The following KCNJ3 variants were observed in gnomAD, a reference collection of about 807,000 sequenced individuals.
The protein encoded by KCNJ3 is G protein-activated inward rectifier potassium channel 1.
In KCNJ3, 4 loss-of-function variants were observed where a neutral mutation model predicts 39.2. The observed-to-expected ratio is 0.10, with a 90% CI of 0.05 to 0.23. KCNJ3 has a LOEUF of 0.23. Ranked by LOEUF, KCNJ3 falls within the 10% of genes least tolerant of loss-of-function variation. The probability of loss-of-function intolerance (pLI) is 1.00; values close to 1 mark genes in which losing one functional copy is unlikely to be tolerated. For missense variants in KCNJ3, 276 were observed against 634.9 expected, an observed-to-expected ratio of 0.43 and a Z score of 6.08; for synonymous variants, 230 against 237.4, an observed-to-expected ratio of 0.97 and a Z score of 0.29.
At chr2:154,727,588 C>T (rs144343439) in intron 2 of KCNJ3, among the ~76,000 whole-genome samples, 10,744 of 71,624 alleles carry the variant, frequency 0.15, 1,452 homozygotes, top group African/African-American at 0.42. Flanking sequence ...AGCGAAACTC[C>T]GTCAAAAAAA....
chr2:154,823,443 T>C (rs570007371), intron 2 of KCNJ3, among the ~76,000 whole-genome samples: 115 of 150,828 alleles, frequency 7.6e-4, no homozygotes, highest in Non-Finnish European at 1.2e-3. Context: ...ATGACTAAAG[T>C]CCAGCAATAA....
At chr2:154,839,549 C>T (rs1687538011) in intron 2 of KCNJ3, among the ~76,000 whole-genome samples, 1 of 152,174 alleles carries the variant, frequency 6.6e-6, no homozygotes. Flanking sequence ...ACACTCCCAC[C>T]AACAGTGTAA....
intron 2 of KCNJ3, among the ~76,000 whole-genome samples, chr2:154,774,746 C>A (rs549447748): frequency 1.3e-5 from 2 of 152,240 alleles, no homozygotes; most frequent in South Asian, 4.1e-4. Context: ...TTTATGAAAT[C>A]ATGATAAGCC....
intron 2 of KCNJ3, among the ~76,000 whole-genome samples, chr2:154,795,826 G>A (rs1206790212): frequency 6.6e-6 from 1 of 152,054 alleles, no homozygotes; most frequent in East Asian, 1.9e-4. Flanking sequence ...TCAGTGTGGA[G>A]CCCAAAGCAT....
At chr2:154,709,236 G>GA (rs1188355505) in intron 1 of KCNJ3, 11 of 217,432 alleles carry the variant, frequency 5.1e-5, no homozygotes, top group Non-Finnish European at 5.5e-5. Context: ...GCTGTGTTGA[G>GA]AAAAAAAATA....
At chr2:154,747,447 G>GA (rs1352989251) in intron 2 of KCNJ3, among the ~76,000 whole-genome samples, 1 of 151,800 alleles carries the variant, frequency 6.6e-6, no homozygotes, top group African/African-American at 2.4e-5. Context: ...ATATTTTTAA[G>GA]AAAAAAACTA....
intron 2 of KCNJ3, among the ~76,000 whole-genome samples, chr2:154,832,052 C>A (rs897864699): frequency 6.6e-6 from 1 of 151,944 alleles, no homozygotes; most frequent in African/African-American, 2.4e-5. Context: ...GCTCTTTGTA[C>A]CAGCTGTCTT....
At chr2:154,840,895 T>C (rs912119759) in intron 2 of KCNJ3, among the ~76,000 whole-genome samples, 1 of 152,184 alleles carries the variant, frequency 6.6e-6, no homozygotes, top group Non-Finnish European at 1.5e-5. Context: ...ACAATTTGAC[T>C]TCCTCATTTC....
At chr2:154,853,613 A>G (rs1687792675) in intron 2 of KCNJ3, among the ~76,000 whole-genome samples, 1 of 152,106 alleles carries the variant, frequency 6.6e-6, no homozygotes, top group Non-Finnish European at 1.5e-5. Context: ...GACTTCTATT[A>G]AAGTAGAGAA....
intron 2 of KCNJ3, among the ~76,000 whole-genome samples, chr2:154,847,080 T>A (rs1687675523): frequency 6.6e-6 from 1 of 152,164 alleles, no homozygotes; most frequent in Non-Finnish European, 1.5e-5. Flanking sequence ...ATGTGGAGAT[T>A]TAAAGAGATT....
intron 2 of KCNJ3, among the ~76,000 whole-genome samples, chr2:154,727,143 G>A (rs938387990): frequency 2.0e-5 from 3 of 151,908 alleles, no homozygotes; most frequent in African/African-American, 4.8e-5. Flanking sequence ...AAACACCACT[G>A]TTCAAAAACG....
intron 2 of KCNJ3, among the ~76,000 whole-genome samples, chr2:154,781,183 A>G (rs573356437): frequency 6.6e-6 from 1 of 152,306 alleles, no homozygotes; most frequent in Admixed American, 6.5e-5. Context: ...GCCCCAAGAA[A>G]GAATGCAGCC....
intron 2 of KCNJ3, among the ~76,000 whole-genome samples, chr2:154,818,462 T>C (rs1344089006): frequency 1.3e-5 from 2 of 152,172 alleles, no homozygotes; most frequent in African/African-American, 4.8e-5. Context: ...AGCATCATTA[T>C]TACTTTGTTT....
chr2:154,778,612 C>T (rs1235419146), intron 2 of KCNJ3, among the ~76,000 whole-genome samples: 1 of 152,038 alleles, frequency 6.6e-6, no homozygotes, highest in Non-Finnish European at 1.5e-5. Context: ...TCCCTTAAGA[C>T]AATTGAGCAC....
At chr2:154,824,289 T>TA (rs1203094904) in intron 2 of KCNJ3, among the ~76,000 whole-genome samples, 4 of 152,116 alleles carry the variant, frequency 2.6e-5, no homozygotes, top group African/African-American at 9.7e-5. Flanking sequence ...TAAGCTGTGA[T>TA]CGCGCCACTG....
At chr2:154,750,856 A>G (rs993748685) in intron 2 of KCNJ3, among the ~76,000 whole-genome samples, 4 of 152,088 alleles carry the variant, frequency 2.6e-5, no homozygotes, top group Admixed American at 2.6e-4. Flanking sequence ...AGTCAAAAAT[A>G]AGTATGTTTC....
At position 154,834,728 on chromosome 2, in the gene KCNJ3, A is replaced by AAAAAT. The variant is rs1267021385; in HGVS notation, c.920-19979_920-19975dup. ...GGTGACAGAGCGAGACTCCATCTCA[A>AAAAAT]AAAATAAAATAAAATAAAATAAAAA... On this transcript the variant is annotated intron_variant, in intron 2 of 2. Transcript: ENST00000295101. Among the ~76,000 whole-genome samples, 17 of 147,274 alleles carry AAAAAT rather than the reference A, an allele frequency of 1.2e-4. No individual in the cohort carries two copies. In the Admixed American group the frequency reaches 1.2e-3, roughly 10 times the overall value.
intron 2 of KCNJ3, among the ~76,000 whole-genome samples, chr2:154,794,313 T>A (rs1574464968): frequency 6.6e-6 from 1 of 152,066 alleles, no homozygotes; most frequent in African/African-American, 2.4e-5. Context: ...AGTATTTCCT[T>A]TCAATGTTCT....
chr2:154,703,651 A>G (rs369304193), intron 1 of KCNJ3, among the ~76,000 whole-genome samples: 2 of 152,096 alleles, frequency 1.3e-5, no homozygotes, highest in Non-Finnish European at 1.5e-5. Flanking sequence ...TCTAACCACA[A>G]CGATTCCTGA....
Sources: gnomAD v4.1 joint callset for allele counts (sites outside exome capture counted in the v4.1 genomes callset) on GRCh38, gnomAD v4.1.1 for gene constraint, MANE v1.5 for transcripts, NCBI Gene and HGNC (gene_info 2026-07-23, HGNC 2026-07-21) for gene names.